The following PLGRKT variants were observed in gnomAD, a reference collection of about 807,000 sequenced individuals.
The protein encoded by PLGRKT is plasminogen receptor (KT).
Under a neutral mutation model 18.5 loss-of-function variants are expected in PLGRKT, and 22 were observed. The observed-to-expected ratio is 1.19, with a 90% CI of 0.85 to 1.70. The LOEUF (loss-of-function observed/expected upper bound fraction) is 1.70, where lower values mean the gene tolerates loss of function less well. Ranked by LOEUF, PLGRKT falls within the 40% of genes most tolerant of loss-of-function variation. The probability of loss-of-function intolerance (pLI) is 0.00; values close to 1 mark genes in which losing one functional copy is unlikely to be tolerated. For synonymous variants in PLGRKT, 72 were observed against 52.8 expected (o/e 1.36, Z -1.58); for missense variants, 235 against 174.4 (o/e 1.35, Z -1.96).
At chr9:5,370,948 A>T (rs1444181753) in intron 3 of PLGRKT, among the ~76,000 whole-genome samples, 1 of 152,216 alleles carries the variant, frequency 6.6e-6, no homozygotes, top group Non-Finnish European at 1.5e-5. Flanking sequence ...TTAAGAAAAA[A>T]AGTCCCCCTT....
intron 2 of PLGRKT, among the ~76,000 whole-genome samples, chr9:5,432,243 T>C (rs1367080236): frequency 6.6e-6 from 1 of 152,192 alleles, no homozygotes; most frequent in Non-Finnish European, 1.5e-5. Flanking sequence ...CCCTGCTCTA[T>C]AAGTATATGG....
At chr9:5,401,485 T>C (rs987756747) in intron 3 of PLGRKT, among the ~76,000 whole-genome samples, 1 of 151,904 alleles carries the variant, frequency 6.6e-6, no homozygotes, top group Non-Finnish European at 1.5e-5. Context: ...TCTAGCAAAC[T>C]TCTATGGCCT....
chr9:5,434,561 C>T (rs562206162), intron 2 of PLGRKT, among the ~76,000 whole-genome samples: 22 of 150,782 alleles, frequency 1.5e-4, no homozygotes, highest in African/African-American at 4.7e-4. Context: ...TCTGCCCAGC[C>T]GCCCCGTCTG....
rs941654267 is a variant in PLGRKT, at chr9:5,389,791, G to A, written c.82-27903C>T. On this transcript the variant is annotated intron_variant, in intron 3 of 5. Transcript: ENST00000223864. ...TAAAATGGCATTCTCCCTAATGACC[G>A]AAGGCCATTATAAGGACAAAGTAGA... 2.4e-4 allele frequency among the ~76,000 whole-genome samples: 36 copies of A among 152,006 alleles called. 1 individual carries two copies. Among genetic ancestry groups the A allele is most frequent in the African/African-American group, 8.0e-4 (33 of 41,280 alleles).
intron 2 of PLGRKT, among the ~76,000 whole-genome samples, chr9:5,435,103 C>G (rs1013295838): frequency 6.6e-6 from 1 of 151,850 alleles, no homozygotes; most frequent in Non-Finnish European, 1.5e-5. Context: ...CTTTGTTAAA[C>G]AGATGCTTGA....
chr9:5,425,723 G>A (rs868180531), intron 3 of PLGRKT, among the ~76,000 whole-genome samples: 1 of 152,164 alleles, frequency 6.6e-6, no homozygotes, highest in Non-Finnish European at 1.5e-5. Context: ...AATCAAATGT[G>A]CAGCCAGGAT....
rs772225395 is a variant in PLGRKT, at chr9:5,370,951, T to A, written c.82-9063A>T. ...GTTCTTTTTGCCTTAAGAAAAAAAG[T>A]CCCCCTTTATCAATAACTTATAAAA... On this transcript the variant is annotated intron_variant, in intron 3 of 5. Coordinates refer to ENST00000223864, the MANE Select transcript of PLGRKT (RefSeq NM_018465.4). Among the ~76,000 whole-genome samples the A allele has an allele frequency of 2.6e-5, 4 of 152,196 alleles. No individual in the cohort carries two copies. The East Asian group carries it at 5.8e-4, about 22-fold the overall frequency.
At chr9:5,385,169 C>T (rs1483132703) in intron 3 of PLGRKT, among the ~76,000 whole-genome samples, 1 of 152,132 alleles carries the variant, frequency 6.6e-6, no homozygotes, top group African/African-American at 2.4e-5. Flanking sequence ...ATTATTTCAA[C>T]AACAGTACAC....
chr9:5,366,673 C>T (rs1285230759), intron 3 of PLGRKT, among the ~76,000 whole-genome samples: 2 of 152,064 alleles, frequency 1.3e-5, no homozygotes, highest in Non-Finnish European at 2.9e-5. Context: ...AGAAGCATTC[C>T]CCTTGAAAAC....
At chr9:5,385,089 G>GT (rs1049491108) in intron 3 of PLGRKT, among the ~76,000 whole-genome samples, 3 of 151,562 alleles carry the variant, frequency 2.0e-5, no homozygotes, top group African/African-American at 7.3e-5. Context: ...CCAGGCCATT[G>GT]TAAGTGTTTT....
chr9:5,406,161 G>T (rs1818251019), intron 3 of PLGRKT, among the ~76,000 whole-genome samples: 1 of 152,118 alleles, frequency 6.6e-6, no homozygotes, highest in Non-Finnish European at 1.5e-5. Flanking sequence ...ACTGTTGGTG[G>T]GAATTTAAAT....
Position 5,361,109 on chromosome 9 carries a change from C to T in PLGRKT, c.291G>A (p.Leu97=). Reference sequence around the variant, plus strand: ...TTCTTTCTAAAAGGGTTCCATAGCCCAAGTCATACTGGTAGGTGAGGATAA... The same window carrying T: ...TTCTTTCTAAAAGGGTTCCATAGCCTAAGTCATACTGGTAGGTGAGGATAA... The part of the protein sequence containing the change: ...LSFILTYQYD[L]GYGTLLERMK... The change falls in exon 5 of 6, where the codon TTG becomes TTA. Residue 97 remains leucine, a synonymous_variant. Coordinates refer to ENST00000223864, the MANE Select transcript of PLGRKT (RefSeq NM_018465.4). 3.1e-6 allele frequency: 5 copies of T among 1,602,218 alleles called. No individual in the cohort carries two copies. The highest frequency in any genetic ancestry group is 4.3e-6 in the Non-Finnish European group (5 of 1,169,884).
intron 3 of PLGRKT, among the ~76,000 whole-genome samples, chr9:5,366,328 A>G (rs996224094): frequency 3.3e-5 from 5 of 152,202 alleles, no homozygotes; most frequent in African/African-American, 1.2e-4. Flanking sequence ...AGTTCTCTTA[A>G]TGGTTGTTAA....
At chr9:5,377,618 G>T (rs973998926) in intron 3 of PLGRKT, among the ~76,000 whole-genome samples, 5 of 152,200 alleles carry the variant, frequency 3.3e-5, no homozygotes, top group Non-Finnish European at 7.3e-5. Flanking sequence ...AAACCTGTAG[G>T]AGTTTCTGTA....
chr9:5,367,902 A>T (rs1417894710), intron 3 of PLGRKT, among the ~76,000 whole-genome samples: 1 of 152,194 alleles, frequency 6.6e-6, no homozygotes, highest in African/African-American at 2.4e-5. Flanking sequence ...GCAAAAACCA[A>T]ATAATCCCAT....
chr9:5,368,349 G>A (rs1224066352), intron 3 of PLGRKT, among the ~76,000 whole-genome samples: 1 of 152,164 alleles, frequency 6.6e-6, no homozygotes, highest in Non-Finnish European at 1.5e-5. Context: ...CATCAATGGT[G>A]GATTGGCGAA....
intron 3 of PLGRKT, chr9:5,381,948 G>T: frequency 1.0e-6 from 1 of 984,818 alleles, no homozygotes; most frequent in Non-Finnish European, 1.2e-6. Context: ...GGGCCTCCAT[G>T]CCTGAGCCAG....
intron 3 of PLGRKT, among the ~76,000 whole-genome samples, chr9:5,414,578 T>A (rs1203304806): frequency 6.6e-6 from 1 of 152,160 alleles, no homozygotes; most frequent in Admixed American, 6.5e-5. Context: ...TTATAACAAA[T>A]AAATCCAACT....
chr9:5,378,280 C>A (rs191240191), intron 3 of PLGRKT, among the ~76,000 whole-genome samples: 81 of 152,320 alleles, frequency 5.3e-4, no homozygotes, highest in Admixed American at 1.3e-3. Flanking sequence ...GCAGCCCAAG[C>A]GATGAGAACC....
Sources: gnomAD v4.1 joint callset for allele counts (sites outside exome capture counted in the v4.1 genomes callset) on GRCh38, gnomAD v4.1.1 for gene constraint, MANE v1.5 for transcripts, NCBI Gene and HGNC (gene_info 2026-07-23, HGNC 2026-07-21) for gene names.